CLIP4: variants seen among roughly 807,000 people sequenced by gnomAD.
The protein encoded by CLIP4 is CAP-Gly domain containing linker protein family member 4.
A neutral mutation model predicts 73.1 loss-of-function variants in CLIP4; 47 were observed. The observed-to-expected ratio is 0.64, with a 90% CI of 0.51 to 0.82. CLIP4 has a LOEUF of 0.82. Among genes scored for constraint, CLIP4 ranks in the 40% least tolerant of loss-of-function variants. CLIP4 has a pLI of 0.00. For synonymous variants in CLIP4, 306 were observed against 295.4 expected (o/e 1.04, Z -0.37); for missense variants, 874 against 852.9 (o/e 1.02, Z -0.31).
At chr2:29,146,039 G>A (rs1462811646) in intron 8 of CLIP4, among the ~76,000 whole-genome samples, 3 of 152,216 alleles carry the variant, frequency 2.0e-5, no homozygotes, top group Non-Finnish European at 4.4e-5. Flanking sequence ...GGTAGTGACT[G>A]GTGAAGAGGG....
At chr2:29,144,232 G>C (rs1265141309) in intron 7 of CLIP4, among the ~76,000 whole-genome samples, 1 of 152,198 alleles carries the variant, frequency 6.6e-6, no homozygotes, top group Non-Finnish European at 1.5e-5. Flanking sequence ...GATGATCTAA[G>C]GTGGAGGATT....
intron 12 of CLIP4, among the ~76,000 whole-genome samples, chr2:29,161,722 C>G (rs963642894): frequency 2.0e-5 from 3 of 152,174 alleles, no homozygotes; most frequent in Admixed American, 6.5e-5. Context: ...GGAGAGGACC[C>G]TAGAGCTTAG....
chr2:29,109,259 G>T (rs1668317867), intron 1 of CLIP4, among the ~76,000 whole-genome samples: 1 of 152,096 alleles, frequency 6.6e-6, no homozygotes, highest in South Asian at 2.1e-4. Flanking sequence ...TTGGGGGGTG[G>T]CTGGTACCCG....
intron 14 of CLIP4, among the ~76,000 whole-genome samples, chr2:29,168,388 C>A (rs1251315798): frequency 6.6e-6 from 1 of 151,688 alleles, no homozygotes; most frequent in Admixed American, 6.6e-5. Context: ...TCATGTGTGG[C>A]AAATATCTTG....
At chr2:29,155,370 A>G (rs895197994) in intron 9 of CLIP4, among the ~76,000 whole-genome samples, 1 of 150,644 alleles carries the variant, frequency 6.6e-6, no homozygotes, top group African/African-American at 2.4e-5. Flanking sequence ...GAAATAGAAG[A>G]TATGAAAAAC....
intron 1 of CLIP4, among the ~76,000 whole-genome samples, chr2:29,103,094 T>C (rs1668097906): frequency 6.6e-6 from 1 of 152,174 alleles, no homozygotes; most frequent in Non-Finnish European, 1.5e-5. Context: ...CCCCTGGGCC[T>C]GGCATTTTTT....
At chr2:29,171,619 C>T (rs1668008237) in intron 14 of CLIP4, among the ~76,000 whole-genome samples, 2 of 151,568 alleles carry the variant, frequency 1.3e-5, no homozygotes, top group East Asian at 1.9e-4. Flanking sequence ...CCCGGGTTCA[C>T]GCCATCCTCC....
At chr2:29,137,656 T>C (rs1665463556) in intron 6 of CLIP4, among the ~76,000 whole-genome samples, 1 of 152,208 alleles carries the variant, frequency 6.6e-6, no homozygotes, top group Admixed American at 6.5e-5. Flanking sequence ...TAAATGTTCC[T>C]TTTCTCCACA....
chr2:29,133,914 CTT>C, intron 5 of CLIP4, 98 bp downstream of exon 5: 2 of 1,080,760 alleles, frequency 1.9e-6, no homozygotes, highest in Non-Finnish European at 2.6e-6. Context: ...TCTAATCCAT[CTT>C]GTTTCATATG....
chr2:29,135,841 C>A (rs552613174), intron 6 of CLIP4, among the ~76,000 whole-genome samples, 175 bp downstream of exon 6: 2 of 152,192 alleles, frequency 1.3e-5, no homozygotes, highest in Non-Finnish European at 2.9e-5. Flanking sequence ...AAATTTAAGG[C>A]ATAATGATAA....
intron 1 of CLIP4, among the ~76,000 whole-genome samples, chr2:29,101,630 C>A (rs1036296276): frequency 6.6e-6 from 1 of 152,166 alleles, no homozygotes; most frequent in African/African-American, 2.4e-5. Context: ...TTTGACAACA[C>A]CCTCACCGAC....
chr2:29,126,447 G>A (rs1012274347), intron 2 of CLIP4, among the ~76,000 whole-genome samples: 3 of 152,122 alleles, frequency 2.0e-5, no homozygotes, highest in African/African-American at 4.8e-5. Flanking sequence ...TCTATAAAAT[G>A]AGAATAACAA....
At chr2:29,121,673 G>T in intron 2 of CLIP4, 152 bp downstream of exon 2, 1 of 795,938 alleles carries the variant, frequency 1.3e-6, no homozygotes, top group Non-Finnish European at 2.0e-6. Context: ...ATTGCTTATT[G>T]CTTTTTCTGC....
At chr2:29,157,427 T>C (rs1667000355) in intron 11 of CLIP4, 80 bp downstream of exon 11, 1 of 1,609,654 alleles carries the variant, frequency 6.2e-7, no homozygotes, top group East Asian at 2.2e-5. Flanking sequence ...TCTTTTTAAA[T>C]GTGTAGAAGG....
intron 1 of CLIP4, among the ~76,000 whole-genome samples, chr2:29,105,012 A>G (rs1051989258): frequency 1.3e-5 from 2 of 152,068 alleles, no homozygotes; most frequent in African/African-American, 4.8e-5. Context: ...CTTTTGTCCA[A>G]TGGGCACATA....
chr2:29,135,939 T>A (rs1481502148), intron 6 of CLIP4, among the ~76,000 whole-genome samples: 2 of 152,162 alleles, frequency 1.3e-5, no homozygotes, highest in Non-Finnish European at 2.9e-5. Context: ...ATTTAGGAGT[T>A]TGATGTATTT....
intron 1 of CLIP4, among the ~76,000 whole-genome samples, chr2:29,109,883 C>T (rs988699045): frequency 3.3e-5 from 5 of 152,098 alleles, no homozygotes; most frequent in African/African-American, 1.2e-4. Flanking sequence ...CATAGCGAAA[C>T]CCCGTCTCTA....
Position 29,133,669 on chromosome 2 carries a change from G to A in CLIP4, c.382G>A (p.Ala128Thr). 2.5e-6 allele frequency: 4 copies of A among 1,608,088 alleles called. No homozygotes were observed. The highest frequency in any genetic ancestry group is 3.4e-6 in the Non-Finnish European group (4 of 1,178,432). The change falls in exon 5 of 16, where the codon GCT (alanine) becomes ACT (threonine). Residue 128 changes from alanine to threonine, a missense_variant. Coordinates refer to ENST00000320081, the MANE Select transcript of CLIP4 (RefSeq NM_024692.6). ...ATCTTCTTTAGGTGATGTGGAAACA[G>A]CTGTAAAATTTGCAACTCAGCTTAT... ...GAHGIGDVET[A>T]VKFATQLIDL...
intron 2 of CLIP4, among the ~76,000 whole-genome samples, chr2:29,126,435 C>T (rs762295266): frequency 2.0e-5 from 3 of 152,060 alleles, no homozygotes; most frequent in African/African-American, 7.2e-5. Context: ...TTTGTTTCTT[C>T]TTCTATAAAA....
Sources: gnomAD v4.1 joint callset for allele counts (sites outside exome capture counted in the v4.1 genomes callset) on GRCh38, gnomAD v4.1.1 for gene constraint, MANE v1.5 for transcripts, NCBI Gene and HGNC (gene_info 2026-07-23, HGNC 2026-07-21) for gene names.